The following PSMB3 variants were observed in gnomAD, a reference collection of about 807,000 sequenced individuals.
The protein encoded by PSMB3 is proteasome subunit beta type-3.
In PSMB3, 5 loss-of-function variants were observed where a neutral mutation model predicts 23.3. The ratio of observed to expected loss-of-function variants is 0.21; its 90% confidence interval spans 0.11 to 0.45. The LOEUF (loss-of-function observed/expected upper bound fraction) is 0.45. Among genes scored for constraint, PSMB3 ranks in the 20% least tolerant of loss-of-function variants. The probability of loss-of-function intolerance (pLI) is 0.99; values close to 1 mark genes in which losing one functional copy is unlikely to be tolerated. For missense variants in PSMB3, 192 were observed against 277.9 expected (o/e 0.69, Z 2.20); for synonymous variants, 85 against 99.8 (o/e 0.85, Z 0.88).
intron 3 of PSMB3, among the ~76,000 whole-genome samples, chr17:38,756,367 T>C (rs566090928): frequency 4.6e-5 from 7 of 152,180 alleles, no homozygotes; most frequent in Non-Finnish European, 1.0e-4. Context: ...CCTTGAGGGC[T>C]TTATGGTGAG....
At position 38,752,956 on chromosome 17, in the gene PSMB3, G is replaced by A. The variant is rs1459164535; in HGVS notation, c.3+127G>A. ...AAGCGGTTTCAGTTCGAGGGGAGCG[G>A]GCCCCGGTGAGGACCAAGAGGGTGA... is the stretch of plus-strand genomic sequence containing the variant. On this transcript the variant is annotated intron_variant, in intron 1 of 5. Coordinates refer to ENST00000619426, the MANE Select transcript of PSMB3 (RefSeq NM_002795.4). This position sits in a 1 kb window ranked among gnomAD's most constrained non-coding sequence, Gnocchi z 5.5. 20 of 1,427,144 alleles carry A rather than the reference G, an allele frequency of 1.4e-5. No individual in the cohort carries two copies. The highest frequency in any genetic ancestry group is 1.8e-5 in the Non-Finnish European group (19 of 1,038,482). The allele number at this position is 1,427,144 out of a possible 1,614,324, so 88.4% of individuals were successfully genotyped here.
At position 38,752,904 on chromosome 17, in the gene PSMB3, C is replaced by G. The variant is rs1399068529; in HGVS notation, c.3+75C>G. 6.3e-7 allele frequency: 1 copy of G among 1,589,934 alleles called. No homozygotes were observed. The highest frequency in any genetic ancestry group is 1.3e-5 in the African/African-American group (1 of 74,304). On this transcript the variant is annotated intron_variant, in intron 1 of 5. Coordinates refer to ENST00000619426, the MANE Select transcript of PSMB3 (RefSeq NM_002795.4). The surrounding 1 kb of genome is among the most constrained non-coding windows in gnomAD (Gnocchi z 5.5). ...GAGGGGGTCAGGAGAGGCTTGGGGA[C>G]GAAAAGGGCCTAGGGTCGATGGAAG...
intron 2 of PSMB3, among the ~76,000 whole-genome samples, chr17:38,755,563 T>C (rs1394988109): frequency 6.7e-6 from 1 of 150,002 alleles, no homozygotes; most frequent in Non-Finnish European, 1.5e-5. Context: ...GAGAATAGCG[T>C]GAACCCGGGT....
chr17:38,753,892 T>C (rs1015135894), intron 2 of PSMB3, among the ~76,000 whole-genome samples: 1 of 152,204 alleles, frequency 6.6e-6, no homozygotes, highest in African/African-American at 2.4e-5. Flanking sequence ...ATTGGCAATG[T>C]GCCAAATCTA....
Position 38,762,502 on chromosome 17 carries a change from T to C in PSMB3, c.566T>C (p.Ile189Thr). The stretch of plus-strand genomic sequence containing the variant: ...TCAGGCATGGGAGTCATTGTCCACA[T>C]CATGTGAGTATGGGCTGGGAGAAGT... ...AVSGMGVIVH[I>T]IEKDKITTRT... The change falls in exon 5 of 6, where the codon ATC (isoleucine) becomes ACC (threonine). Residue 189 changes from isoleucine (I) to threonine (T), a missense_variant. Transcript: ENST00000619426. 1 of 1,613,424 alleles carries C rather than the reference T, an allele frequency of 6.2e-7. No individual in the cohort carries two copies. The highest frequency in any genetic ancestry group is 1.1e-5 in the South Asian group (1 of 91,066).
chr17:38,761,185 A>G (rs1908418286), intron 4 of PSMB3, among the ~76,000 whole-genome samples: 1 of 151,852 alleles, frequency 6.6e-6, no homozygotes, highest in Admixed American at 6.6e-5. Flanking sequence ...CCCCGTCTCT[A>G]CTAAAAAAAA....
rs775098175 is a variant in PSMB3 at position 38,753,282 on chromosome 17, G to C, written c.136G>C (p.Gly46Arg). 1.2e-6 allele frequency: 2 copies of C among 1,614,142 alleles called. No individual in the cohort carries two copies. The highest frequency in any genetic ancestry group is 2.2e-5 in the South Asian group (2 of 91,084). The change falls in exon 2 of 6, where the codon GGT becomes CGT. Residue 46 changes from glycine (G) to arginine (R), a missense_variant. Gly to Arg is a moderately radical substitution (Grantham distance 125). Coordinates refer to ENST00000619426, the MANE Select transcript of PSMB3 (RefSeq NM_002795.4). ...GGACTTCCAGAAGATCTTTCCCATG[G>C]GTGACCGGCTGTACATCGGTCTGGC... ...TTDFQKIFPMGDRLYIGLAGL... is the reference protein window; with the variant it reads ...TTDFQKIFPMRDRLYIGLAGL...
chr17:38,759,538 TTTTTC>T (rs1381183783), intron 3 of PSMB3, among the ~76,000 whole-genome samples: 12 of 152,210 alleles, frequency 7.9e-5, no homozygotes, highest in South Asian at 6.2e-4. Flanking sequence ...TTCTTTTTTT[TTTTTC>T]TTTTCTTTTC....
intron 2 of PSMB3, among the ~76,000 whole-genome samples, chr17:38,755,668 A>ATGTGTGTGTG (rs1298424838): frequency 2.6e-5 from 2 of 77,722 alleles, no homozygotes; most frequent in Middle Eastern, 6.4e-3. Context: ...AAATATATAT[A>ATGTGTGTGTG]TATATATATA....
At chr17:38,753,045 C>T in intron 1 of PSMB3, 105 bp from the exon 2 acceptor site, 2 of 1,340,776 alleles carry the variant, frequency 1.5e-6, no homozygotes, top group Non-Finnish European at 2.0e-6. Context: ...CAGACGCCTC[C>T]GGAATGGAGA....
intron 2 of PSMB3, among the ~76,000 whole-genome samples, chr17:38,754,562 A>G (rs1172815586): frequency 6.6e-6 from 1 of 152,232 alleles, no homozygotes; most frequent in Non-Finnish European, 1.5e-5. Context: ...CTGAGATCTC[A>G]CCCAGCCTGC....
At position 38,752,799 on chromosome 17, in the gene PSMB3, G is replaced by A. The variant is rs370097889; in HGVS notation, c.-28G>A. Reference sequence around the variant, plus strand: ...CCCGGTTTACTGGAATTGCTCTGGCGATCGAGGGATCCTAGTACACCGCAA... The same window carrying A: ...CCCGGTTTACTGGAATTGCTCTGGCAATCGAGGGATCCTAGTACACCGCAA... On this transcript the variant is annotated 5_prime_UTR_variant, in exon 1 of 6. Coordinates refer to ENST00000619426, the MANE Select transcript of PSMB3 (RefSeq NM_002795.4). This position sits in a 1 kb window ranked among gnomAD's most constrained non-coding sequence, Gnocchi z 5.5. 4 of 1,614,128 alleles carry A rather than the reference G, an allele frequency of 2.5e-6. No homozygotes were observed. The highest frequency in any genetic ancestry group is 3.4e-6 in the Non-Finnish European group (4 of 1,179,968).
At chr17:38,760,638 C>T (rs1432039341) in intron 4 of PSMB3, 30 bp downstream of exon 4, 2 of 1,613,044 alleles carry the variant, frequency 1.2e-6, no homozygotes, top group Non-Finnish European at 8.5e-7. Context: ...AGGGGCTGGG[C>T]TCTGAGTTAC....
At chr17:38,757,627 C>T (rs540149505) in intron 3 of PSMB3, among the ~76,000 whole-genome samples, 2 of 151,740 alleles carry the variant, frequency 1.3e-5, no homozygotes, top group African/African-American at 4.8e-5. Flanking sequence ...CCATCCTGGT[C>T]AACATGGTGA....
At chr17:38,757,034 ATT>A (rs35172699) in intron 3 of PSMB3, among the ~76,000 whole-genome samples, 8,571 of 65,236 alleles carry the variant, frequency 0.13, 467 homozygotes, top group East Asian at 0.35. Context: ...CACCTGGCTA[ATT>A]TTTTTTTTTT....
At chr17:38,757,172 C>T (rs1006133665) in intron 3 of PSMB3, among the ~76,000 whole-genome samples, 4 of 150,976 alleles carry the variant, frequency 2.6e-5, no homozygotes, top group African/African-American at 7.3e-5. Context: ...TGAGCCACTG[C>T]GCCCTGCAAA....
At chr17:38,755,615 C>T (rs904866987) in intron 2 of PSMB3, among the ~76,000 whole-genome samples, 1 of 147,204 alleles carries the variant, frequency 6.8e-6, no homozygotes, top group African/African-American at 2.5e-5. Context: ...CGCCACTGCA[C>T]TCCAGCCTGG....
intron 2 of PSMB3, among the ~76,000 whole-genome samples, 172 bp from the exon 3 acceptor site, chr17:38,755,711 T>TGC (rs1270163397): frequency 0.011 from 1,495 of 138,992 alleles, 15 homozygotes; most frequent in Non-Finnish European, 0.015. Flanking sequence ...TGTGTGTGTG[T>TGC]GTGTGCTGCC....
intron 4 of PSMB3, chr17:38,761,957 A>C: frequency 6.4e-6 from 1 of 155,530 alleles, no homozygotes. Flanking sequence ...TTCTCCAGCT[A>C]GGCTAGCCAA....
Sources: gnomAD v4.1 joint callset for allele counts (sites outside exome capture counted in the v4.1 genomes callset) on GRCh38, gnomAD v4.1.1 for gene constraint, Gnocchi (gnomAD v3.1) non-coding constraint, MANE v1.5 for transcripts, NCBI Gene and HGNC (gene_info 2026-07-23, HGNC 2026-07-21) for gene names.